Variants in ZNF423 observed in about 807,000 individuals in gnomAD.
ZNF423 encodes Ebf-associated zinc finger protein.
Under a neutral mutation model 95.8 loss-of-function variants are expected in ZNF423, and 12 were observed. The observed-to-expected ratio is 0.13, with a 90% confidence interval of 0.08 to 0.20. ZNF423 has a LOEUF of 0.20. Among genes scored for constraint, ZNF423 ranks in the 10% least tolerant of loss-of-function variants. The pLI is 1.00. For synonymous variants in ZNF423, 749 were observed against 711.9 expected (o/e 1.05, Z -0.83); for missense variants, 1,316 against 1,737.1 (o/e 0.76, Z 4.31).
intron 3 of ZNF423, among the ~76,000 whole-genome samples, chr16:49,660,829 G>A (rs1365539691): frequency 2.0e-5 from 3 of 151,830 alleles, no homozygotes; most frequent in African/African-American, 4.8e-5. Flanking sequence ...GCTGGGGCAG[G>A]GTGTGGGGGG....
At chr16:49,616,095 A>C (rs1971864141) in intron 5 of ZNF423, among the ~76,000 whole-genome samples, 3 of 152,294 alleles carry the variant, frequency 2.0e-5, no homozygotes, top group Non-Finnish European at 4.4e-5. Context: ...GCTCTGGGAC[A>C]AAATGGCAAA....
intron 6 of ZNF423, among the ~76,000 whole-genome samples, chr16:49,524,458 C>G (rs1474967412): frequency 6.6e-6 from 1 of 152,158 alleles, no homozygotes; most frequent in African/African-American, 2.4e-5. Flanking sequence ...TGGGTGGGGG[C>G]TCCTGCGATG....
At chr16:49,709,215 C>T (rs2032465753) in intron 3 of ZNF423, among the ~76,000 whole-genome samples, 1 of 138,684 alleles carries the variant, frequency 7.2e-6, no homozygotes, top group Admixed American at 7.5e-5. Flanking sequence ...TGGGGGAAAG[C>T]CAAGGAAACA....
intron 3 of ZNF423, among the ~76,000 whole-genome samples, chr16:49,647,501 G>A (rs945083014): frequency 2.6e-5 from 4 of 152,170 alleles, no homozygotes; most frequent in Admixed American, 6.5e-5. Flanking sequence ...GATTATCCTG[G>A]ATTATCCACA....
At chr16:49,495,440 G>A (rs553885807) in intron 7 of ZNF423, among the ~76,000 whole-genome samples, 6 of 152,184 alleles carry the variant, frequency 3.9e-5, no homozygotes, top group Middle Eastern at 3.4e-3. Flanking sequence ...TGTGCAAATC[G>A]TCAGCAGAGC....
At chr16:49,504,661 C>T (rs746019987) in intron 7 of ZNF423, among the ~76,000 whole-genome samples, 1 of 152,186 alleles carries the variant, frequency 6.6e-6, no homozygotes, top group Non-Finnish European at 1.5e-5. Context: ...AGACACTCAG[C>T]GACATTCCTG....
intron 1 of ZNF423, among the ~76,000 whole-genome samples, chr16:49,808,990 G>A (rs2034708951): frequency 6.6e-6 from 1 of 152,208 alleles, no homozygotes; most frequent in South Asian, 2.1e-4. Context: ...CCTGGCAGGA[G>A]GCACGTCCCC....
At chr16:49,818,746 G>C (rs747241732) in intron 1 of ZNF423, among the ~76,000 whole-genome samples, 20 of 151,974 alleles carry the variant, frequency 1.3e-4, no homozygotes, top group Admixed American at 2.0e-4. Flanking sequence ...AATTAGCTGA[G>C]TGTGATGGTG....
intron 5 of ZNF423, among the ~76,000 whole-genome samples, chr16:49,601,787 G>A (rs966652197): frequency 2.8e-4 from 42 of 152,374 alleles, no homozygotes; most frequent in Middle Eastern, 6.8e-3. Flanking sequence ...GAACACAGCC[G>A]CAGCTGGAGA....
upstream of ZNF423, chr16:49,857,627 C>T (rs1327106355): frequency 6.6e-6 from 1 of 152,318 alleles, no homozygotes; most frequent in Non-Finnish European, 1.5e-5. The surrounding 1 kb of genome is among the most constrained non-coding windows in gnomAD (Gnocchi z 6.2). Flanking sequence ...TGCCCCACAT[C>T]CAACAAATTC....
At chr16:49,661,275 T>A (rs556942373) in intron 3 of ZNF423, among the ~76,000 whole-genome samples, 17 of 150,514 alleles carry the variant, frequency 1.1e-4, no homozygotes, top group African/African-American at 4.2e-4. Flanking sequence ...GGAGTCTCCA[T>A]ATTTTTCCGG....
intron 3 of ZNF423, among the ~76,000 whole-genome samples, chr16:49,664,920 C>T: frequency 6.6e-6 from 1 of 152,244 alleles, no homozygotes; most frequent in East Asian, 1.9e-4. Flanking sequence ...GAACGCCCCT[C>T]ATTGTGGGCA....
intron 3 of ZNF423, among the ~76,000 whole-genome samples, chr16:49,698,566 C>G (rs1026598955): frequency 2.6e-5 from 4 of 152,256 alleles, no homozygotes; most frequent in African/African-American, 9.6e-5. Flanking sequence ...TCAGCCTCTC[C>G]CAGTCAGTCT....
At chr16:49,592,850 C>CTT (rs1971052217) in intron 5 of ZNF423, among the ~76,000 whole-genome samples, 1 of 152,218 alleles carries the variant, frequency 6.6e-6, no homozygotes, top group Non-Finnish European at 1.5e-5. Context: ...ACAGATCAGT[C>CTT]TTCACTCTGC....
At position 49,504,505 on chromosome 16, in the gene ZNF423, C is replaced by T. The variant is rs1967553018; in HGVS notation, c.3850-13201G>A. ...GCTGAGGCAGGAGAATCACTTGAAC[C>T]CAGGAAGCGGAGGTTGCAATGAGCT... On this transcript the variant is annotated intron_variant, in intron 7 of 7. Transcript: ENST00000563137. Among the ~76,000 whole-genome samples, 4 of 152,276 alleles carry T rather than the reference C, an allele frequency of 2.6e-5. No individual in the cohort carries two copies. The South Asian group carries it at 8.3e-4, about 32-fold the overall frequency.
At chr16:49,606,367 C>T (rs957079982) in intron 5 of ZNF423, among the ~76,000 whole-genome samples, 1 of 152,114 alleles carries the variant, frequency 6.6e-6, no homozygotes, top group African/African-American at 2.4e-5. Flanking sequence ...ATGCCAAGCC[C>T]ATGGTTAGAA....
At position 49,800,030 on chromosome 16, in the gene ZNF423, G is replaced by A. The variant is rs573048010; in HGVS notation, c.41-10484C>T. Among the ~76,000 whole-genome samples, 71 of 152,306 alleles carry A rather than the reference G, an allele frequency of 4.7e-4. 1 individual carries two copies. The highest frequency in any genetic ancestry group is 3.1e-3 in the Admixed American group (48 of 15,300). Reference sequence around the variant, plus strand: ...GCACTTTGGGAAGCAGATCACTTGAGGCTAGGAGTTCGAGACCAGCCTGGC... The same window carrying A: ...GCACTTTGGGAAGCAGATCACTTGAAGCTAGGAGTTCGAGACCAGCCTGGC... On this transcript the variant is annotated intron_variant, in intron 1 of 7. Transcript: ENST00000563137.
chr16:49,732,413 A>G (rs1596940451), intron 2 of ZNF423, among the ~76,000 whole-genome samples: 1 of 152,366 alleles, frequency 6.6e-6, no homozygotes, highest in East Asian at 1.9e-4. Flanking sequence ...GGAAAATAAA[A>G]GTGTGTGTTG....
chr16:49,738,349 G>C (rs1356141787), intron 2 of ZNF423, among the ~76,000 whole-genome samples: 1 of 152,172 alleles, frequency 6.6e-6, no homozygotes, highest in Non-Finnish European at 1.5e-5. Context: ...CCAGGGCTGG[G>C]GCTGGTCGGG....
Sources: gnomAD v4.1 joint callset for allele counts (sites outside exome capture counted in the v4.1 genomes callset) on GRCh38, gnomAD v4.1.1 for gene constraint, Gnocchi (gnomAD v3.1) non-coding constraint, MANE v1.5 for transcripts, NCBI Gene and HGNC (gene_info 2026-07-23, HGNC 2026-07-21) for gene names.